The following CNGB1 variants were observed in gnomAD, a reference collection of about 807,000 sequenced individuals.
CNGB1 encodes the protein cyclic nucleotide-gated channel beta-1.
In CNGB1, 126 loss-of-function variants were observed where a neutral mutation model predicts 151.7. The observed-to-expected ratio is 0.83, with a 90% CI of 0.72 to 0.96. CNGB1 has a LOEUF of 0.96. Among genes scored for constraint, CNGB1 ranks in the 40% least tolerant of loss-of-function variants. CNGB1 has a pLI of 0.00. For missense variants in CNGB1, 1,698 were observed against 1,627.0 expected (o/e 1.04, Z -0.75); for synonymous variants, 623 against 635.1 (o/e 0.98, Z 0.29).
rs553244565 is a variant in CNGB1, at chr16:57,962,610, C to T, written c.413G>A (p.Gly138Glu). 23 of 1,613,992 alleles carry T rather than the reference C, an allele frequency of 1.4e-5. No homozygotes were observed. In the South Asian group the frequency reaches 2.4e-4, roughly 17 times the overall value. Reference sequence around the variant, plus strand: ...GGCCTCATTGGGTTCATCTGTGCACCCTGCAGGGTCAGAAAATACAGAAAG... The same window carrying T: ...GGCCTCATTGGGTTCATCTGTGCACTCTGCAGGGTCAGAAAATACAGAAAG... ...ILGHGSTGDT[G>E]CTDEPNEALE... Residue 138 changes from glycine (G) to glutamate (E), a missense_variant and splice_region_variant, in exon 7 of 33, where the codon GGG becomes GAG. Transcript: ENST00000251102.
intron 24 of CNGB1, among the ~76,000 whole-genome samples, chr16:57,912,431 T>C (rs1960743892): frequency 6.6e-6 from 1 of 152,214 alleles, no homozygotes; most frequent in Non-Finnish European, 1.5e-5. Flanking sequence ...CGGATATTCC[T>C]GGTTCTCTAA....
At chr16:57,955,220 C>G in intron 12 of CNGB1, 1 of 1,537,078 alleles carries the variant, frequency 6.5e-7, no homozygotes, top group African/African-American at 1.4e-5. Flanking sequence ...GAGGGGTTCG[C>G]TGTTCAAATA....
At chr16:57,965,774 TG>T (rs1962380315) in intron 2 of CNGB1, among the ~76,000 whole-genome samples, 2 of 152,112 alleles carry the variant, frequency 1.3e-5, no homozygotes, top group Non-Finnish European at 2.9e-5. Flanking sequence ...CACAAGCACA[TG>T]GAACCACAGA....
chr16:57,918,781 T>C (rs1328099107), intron 20 of CNGB1, among the ~76,000 whole-genome samples: 1 of 152,116 alleles, frequency 6.6e-6, no homozygotes. Context: ...CTCAGTGCAC[T>C]CTCCACCTCC....
In CNGB1 at chr16:57,923,309, AC is replaced by A; in HGVS notation, c.1606del (p.Val536LeufsTer37). The A allele has an allele frequency of 6.2e-7, 1 of 1,612,042 alleles. No individual in the cohort carries two copies. Among genetic ancestry groups the A allele is most frequent in the Non-Finnish European group, 8.5e-7 (1 of 1,179,404 alleles). ...KALSPAESPV[V>X]AWSDPTTPKD... ...CGGGGTGGTGGGGTCAGACCAGGCAACCACTGGGGACTCTGCTGGTGACAAC... is the reference window on the plus strand; with the variant it reads ...CGGGGTGGTGGGGTCAGACCAGGCAACACTGGGGACTCTGCTGGTGACAAC... On this transcript the variant is annotated frameshift_variant, in exon 18 of 33. Coordinates refer to ENST00000251102, the MANE Select transcript of CNGB1 (RefSeq NM_001297.5). LOFTEE classifies it high-confidence loss of function.
At chr16:57,957,706 G>C (rs1962126186) in intron 11 of CNGB1, among the ~76,000 whole-genome samples, 1 of 152,192 alleles carries the variant, frequency 6.6e-6, no homozygotes, top group Admixed American at 6.5e-5. Flanking sequence ...CCTCTCTCTG[G>C]GGCCTAGACA....
rs572543809 is a variant in CNGB1, at chr16:57,884,110, G to A, written c.*54C>T. ...GGGCGCTGGGGCGCAGGGGCGCAGC[G>A]GGCGCTGGGGACACACCTGCTGGAA... On this transcript the variant is annotated 3_prime_UTR_variant, in exon 33 of 33. Transcript: ENST00000251102. 3 of 1,610,456 alleles carry A rather than the reference G, an allele frequency of 1.9e-6. No individual in the cohort carries two copies. The highest frequency in any genetic ancestry group is 2.5e-6 in the Non-Finnish European group (3 of 1,176,986).
At position 57,884,277 on chromosome 16, in the gene CNGB1, G is replaced by A; in HGVS notation, c.3643C>T (p.Pro1215Ser). The change falls in exon 33 of 33, where the codon CCG becomes TCG. Residue 1215 changes from proline to serine, a missense_variant. Pro to Ser is a moderately conservative substitution (Grantham distance 74). Transcript: ENST00000251102. ...LGRPEGEEEG[P>S]AEPEEHSVRI... ...ACCGAGTGCTCTTCGGGCTCGGCCG[G>A]CCCCTCCTCCTCTCCCTCCGGCCTC... The A allele has an allele frequency of 6.2e-7, 1 of 1,613,550 alleles. No individual in the cohort carries two copies. The highest frequency in any genetic ancestry group is 8.5e-7 in the Non-Finnish European group (1 of 1,179,832).
intron 14 of CNGB1, among the ~76,000 whole-genome samples, chr16:57,943,921 T>C (rs551682067): frequency 6.6e-6 from 1 of 152,112 alleles, no homozygotes; most frequent in East Asian, 1.9e-4. Flanking sequence ...AGAGTCTCGC[T>C]GTGTTGCCCA....
intron 17 of CNGB1, among the ~76,000 whole-genome samples, chr16:57,929,366 G>A (rs989206231): frequency 3.3e-5 from 5 of 151,828 alleles, no homozygotes; most frequent in African/African-American, 1.2e-4. Context: ...GCGTGGCTGG[G>A]GAAGCCTCAG....
At chr16:57,942,049 G>C (rs1167517365) in intron 14 of CNGB1, among the ~76,000 whole-genome samples, 1 of 151,940 alleles carries the variant, frequency 6.6e-6, no homozygotes, top group Non-Finnish European at 1.5e-5. Context: ...GTTTGGTTTG[G>C]TTTGGTATTT....
At chr16:57,900,176 C>T (rs146087183) in intron 29 of CNGB1, among the ~76,000 whole-genome samples, 1,828 of 152,348 alleles carry the variant, frequency 0.012, 14 homozygotes, top group Non-Finnish European at 0.02. Context: ...TTGCCCAAGG[C>T]TGCACAGCCA....
chr16:57,921,151 C>T (rs1043801009), intron 18 of CNGB1, among the ~76,000 whole-genome samples: 3 of 148,882 alleles, frequency 2.0e-5, no homozygotes, highest in Non-Finnish European at 4.4e-5. Context: ...CATTAGGACA[C>T]AGAAACTGCA....
At chr16:57,954,127 C>T (rs1252551862) in intron 12 of CNGB1, among the ~76,000 whole-genome samples, 2 of 152,208 alleles carry the variant, frequency 1.3e-5, no homozygotes, top group Admixed American at 1.3e-4. Flanking sequence ...AGTCAGGCCC[C>T]AACTTCTCTA....
At chr16:57,949,239 C>T (rs1961885485) in intron 14 of CNGB1, 114 bp downstream of exon 14, 1 of 1,580,110 alleles carries the variant, frequency 6.3e-7, no homozygotes, top group Non-Finnish European at 8.6e-7. Flanking sequence ...CAGCCTTACA[C>T]AGCACAGAAC....
At chr16:57,901,156 G>T (rs553520825) in intron 29 of CNGB1, among the ~76,000 whole-genome samples, 196 bp downstream of exon 29, 1 of 152,310 alleles carries the variant, frequency 6.6e-6, no homozygotes, top group African/African-American at 2.4e-5. Context: ...TGACTGCATA[G>T]AGTCGGCAAA....
At chr16:57,936,820 G>A (rs550930228) in intron 16 of CNGB1, among the ~76,000 whole-genome samples, 1 of 151,476 alleles carries the variant, frequency 6.6e-6, no homozygotes, top group Non-Finnish European at 1.5e-5. Context: ...CAAAAGAAAA[G>A]AGAGAAAGAG....
intron 32 of CNGB1, among the ~76,000 whole-genome samples, chr16:57,884,945 G>A (rs1959870876): frequency 6.6e-6 from 1 of 152,108 alleles, no homozygotes; most frequent in East Asian, 1.9e-4. Context: ...CCCCTTTCTG[G>A]GAAGTCTCAA....
rs1312221610 is a variant in CNGB1 at position 57,883,576 on chromosome 16, T to G, written c.*588A>C. ...TGCACACCATCACGCCTGGCTATTGTTTTTTTGTTTGTTTTTGTTTTTGTT... is the reference window on the plus strand; with the variant it reads ...TGCACACCATCACGCCTGGCTATTGGTTTTTTGTTTGTTTTTGTTTTTGTT... On this transcript the variant is annotated 3_prime_UTR_variant, in exon 33 of 33. Coordinates refer to ENST00000251102, the MANE Select transcript of CNGB1 (RefSeq NM_001297.5). 1 of 166,716 alleles carries G rather than the reference T, an allele frequency of 6.0e-6. No homozygotes were observed. Among genetic ancestry groups the G allele is most frequent in the East Asian group, 1.9e-4 (1 of 5,396 alleles). The allele number at this position is 166,716 out of a possible 1,614,324, so 10.3% of individuals were successfully genotyped here.
Sources: gnomAD v4.1 joint callset for allele counts (sites outside exome capture counted in the v4.1 genomes callset) on GRCh38, gnomAD v4.1.1 for gene constraint, MANE v1.5 for transcripts, NCBI Gene and HGNC (gene_info 2026-07-23, HGNC 2026-07-21) for gene names.